The following DAB1 variants were observed in gnomAD, a reference collection of about 807,000 sequenced individuals.
DAB1 encodes DAB adaptor protein 1, also known as disabled homolog 1.
Under a neutral mutation model 64.6 loss-of-function variants are expected in DAB1, and 15 were observed. The ratio of observed to expected loss-of-function variants is 0.23; its 90% CI spans 0.16 to 0.36. DAB1 has a LOEUF of 0.36. DAB1 is among the 10% of genes least tolerant of loss of function. DAB1 has a pLI of 1.00. For missense variants in DAB1, 596 were observed against 706.7 expected (o/e 0.84, Z 1.78); for synonymous variants, 235 against 251.9 (o/e 0.93, Z 0.64).
intron 1 of DAB1, among the ~76,000 whole-genome samples, chr1:57,326,858 T>C (rs1007214869): frequency 1.1e-4 from 16 of 152,126 alleles, no homozygotes; most frequent in African/African-American, 3.9e-4. Flanking sequence ...ACTGGGGGCT[T>C]AGGGCTTCAA....
At chr1:58,300,054 C>G (rs1452131509) in intron 4 of DAB1, among the ~76,000 whole-genome samples, 1 of 152,070 alleles carries the variant, frequency 6.6e-6, no homozygotes, top group Non-Finnish European at 1.5e-5. Context: ...GTTTAGAAAC[C>G]AAATTTACTG....
In DAB1 at chr1:57,115,714, G is replaced by A. The variant is rs146849977; in HGVS notation, c.306+20829C>T. On this transcript the variant is annotated intron_variant, in intron 4 of 14. Transcript: ENST00000371236. Reference sequence around the variant, plus strand: ...CTTTCAGTTGGGAAAGGCTCAGGAAGAAGGCAACATGAGCTGGGGTCTTCT... The same window carrying A: ...CTTTCAGTTGGGAAAGGCTCAGGAAAAAGGCAACATGAGCTGGGGTCTTCT... 5.5e-4 allele frequency among the ~76,000 whole-genome samples: 84 copies of A among 152,318 alleles called. 2 individuals are homozygous for A. The East Asian group carries it at 0.016, about 28-fold the overall frequency.
chr1:57,130,387 G>A (rs1657549925), intron 4 of DAB1, among the ~76,000 whole-genome samples: 1 of 151,944 alleles, frequency 6.6e-6, no homozygotes, highest in South Asian at 2.1e-4. Context: ...ACTACCTTAT[G>A]ACCCAGAAAT....
chr1:57,312,873 A>G (rs56300568), intron 1 of DAB1, among the ~76,000 whole-genome samples: 36,380 of 151,862 alleles, frequency 0.24, 4,680 homozygotes, highest in African/African-American at 0.27. Context: ...TCAGAGTTCC[A>G]GGGGGACGGT....
chr1:57,163,801 G>A (rs1373945844), intron 2 of DAB1, among the ~76,000 whole-genome samples: 2 of 152,122 alleles, frequency 1.3e-5, no homozygotes, highest in East Asian at 3.9e-4. Flanking sequence ...AAGAACAAGT[G>A]TAACTCTGGG....
intron 6 of DAB1, among the ~76,000 whole-genome samples, chr1:57,724,929 T>G (rs1292274009): frequency 6.6e-6 from 1 of 152,168 alleles, no homozygotes; most frequent in Non-Finnish European, 1.5e-5. Flanking sequence ...AATACACAGA[T>G]GAATGAATGC....
chr1:57,566,971 A>T, intron 7 of DAB1, among the ~76,000 whole-genome samples: 1 of 152,116 alleles, frequency 6.6e-6, no homozygotes, highest in East Asian at 1.9e-4. Flanking sequence ...GAGACACAAC[A>T]AAAAAAGAGA....
At chr1:57,999,681 T>G (rs1012744027) in intron 5 of DAB1, among the ~76,000 whole-genome samples, 160 of 152,256 alleles carry the variant, frequency 1.1e-3, no homozygotes, top group African/African-American at 3.7e-3. Context: ...GATCTCACAA[T>G]GCACTGGACG....
intron 4 of DAB1, among the ~76,000 whole-genome samples, chr1:58,285,254 T>G (rs1284772376): frequency 6.6e-6 from 1 of 152,200 alleles, no homozygotes; most frequent in African/African-American, 2.4e-5. Context: ...CAAGACAGGA[T>G]GCCTTCTCTC....
chr1:57,356,119 G>A (rs778220315), intron 1 of DAB1, among the ~76,000 whole-genome samples: 1 of 152,032 alleles, frequency 6.6e-6, no homozygotes, highest in African/African-American at 2.4e-5. Flanking sequence ...TATATTCCTT[G>A]CACCTAGAGC....
At chr1:57,055,305 A>G (rs1649636432) in intron 9 of DAB1, among the ~76,000 whole-genome samples, 2 of 152,216 alleles carry the variant, frequency 1.3e-5, no homozygotes, top group African/African-American at 4.8e-5. Flanking sequence ...GCATAGCATG[A>G]CCTTGAGAAC....
At chr1:57,528,688 C>T (rs1261955878) in intron 7 of DAB1, among the ~76,000 whole-genome samples, 3 of 148,546 alleles carry the variant, frequency 2.0e-5, no homozygotes, top group Non-Finnish European at 4.5e-5. Flanking sequence ...GGACACACAA[C>T]ATAAGTGGGA....
At chr1:58,485,153 A>G (rs1055129318) in intron 3 of DAB1, among the ~76,000 whole-genome samples, 1 of 146,994 alleles carries the variant, frequency 6.8e-6, no homozygotes, top group African/African-American at 2.5e-5. Flanking sequence ...GGACAGATGT[A>G]TAAGGGAAAT....
intron 2 of DAB1, among the ~76,000 whole-genome samples, chr1:58,507,063 G>A (rs1262594779): frequency 2.6e-5 from 4 of 151,970 alleles, no homozygotes; most frequent in Non-Finnish European, 5.9e-5. Flanking sequence ...GTATCTGATA[G>A]TGGAGAGGGA....
At chr1:58,017,922 C>T (rs28573100) in intron 5 of DAB1, among the ~76,000 whole-genome samples, 1,818 of 152,312 alleles carry the variant, frequency 0.012, 34 homozygotes, top group African/African-American at 0.042. Context: ...CAGCACTGTG[C>T]TTGGCACTTT....
At chr1:58,287,755 C>T (rs1182170417) in intron 4 of DAB1, among the ~76,000 whole-genome samples, 1 of 152,118 alleles carries the variant, frequency 6.6e-6, no homozygotes, top group Non-Finnish European at 1.5e-5. Flanking sequence ...GGCGTGGTGG[C>T]TCATGCCTGT....
chr1:58,519,237 G>T (rs1646222404), intron 2 of DAB1, among the ~76,000 whole-genome samples: 1 of 152,130 alleles, frequency 6.6e-6, no homozygotes, highest in Admixed American at 6.5e-5. Context: ...CAGTTTACTT[G>T]TTTTTTATTT....
chr1:58,420,078 C>T (rs1433712688), intron 3 of DAB1, among the ~76,000 whole-genome samples: 1 of 152,204 alleles, frequency 6.6e-6, no homozygotes, highest in Non-Finnish European at 1.5e-5. Flanking sequence ...TCTCAGGACC[C>T]TAATTGACAC....
chr1:57,014,762 A>C, intron 12 of DAB1, 121 bp downstream of exon 12: 1 of 721,384 alleles, frequency 1.4e-6, no homozygotes, highest in Non-Finnish European at 2.2e-6. Context: ...TAGTAATAAT[A>C]ATATAAACAA....
Sources: allele counts gnomAD v4.1 joint callset (sites outside exome capture counted in the v4.1 genomes callset), GRCh38; gene constraint gnomAD v4.1.1; transcripts MANE v1.5; gene names NCBI Gene and HGNC (gene_info 2026-07-23, HGNC 2026-07-21).